Variants in TLN2 observed in about 807,000 individuals in gnomAD.
The protein encoded by TLN2 is talin 2.
Under a neutral mutation model 294.7 loss-of-function variants are expected in TLN2, and 118 were observed. The observed-to-expected ratio is 0.40, with a 90% confidence interval of 0.34 to 0.47. TLN2 has a LOEUF of 0.47. Ranked by LOEUF, TLN2 falls within the 20% of genes least tolerant of loss-of-function variation. TLN2 has a pLI of 0.84. For synonymous variants in TLN2, 1,431 were observed against 1,304.5 expected (o/e 1.10, Z -2.09); for missense variants, 3,083 against 3,282.2 (o/e 0.94, Z 1.48).
chr15:62,617,603 A>G (rs1454016843), intron 2 of TLN2, among the ~76,000 whole-genome samples: 1 of 152,174 alleles, frequency 6.6e-6, no homozygotes, highest in Non-Finnish European at 1.5e-5. Context: ...CAGAGATGCC[A>G]TCTCACAAGG....
rs180930637 is a variant in TLN2, at chr15:62,458,774, G to A, written c.-238+68089G>A. Among the ~76,000 whole-genome samples, 250 of 151,872 alleles carry A rather than the reference G, an allele frequency of 1.6e-3. 1 individual carries two copies. The highest frequency in any genetic ancestry group is 5.8e-3 in the African/African-American group (239 of 41,416). ...ACATAACGAGACTCTGTCTCAAAAA[G>A]AAAAAATAAAAAACTCAAGGATGAT... On this transcript the variant is annotated intron_variant, in intron 1 of 58. Coordinates refer to ENST00000636159, the MANE Select transcript of TLN2 (RefSeq NM_015059.3).
chr15:62,624,884 G>T (rs1207450331), intron 3 of TLN2, among the ~76,000 whole-genome samples: 6 of 152,234 alleles, frequency 3.9e-5, no homozygotes, highest in Non-Finnish European at 8.8e-5. Context: ...AGCTAAGAAC[G>T]ATTAAGCCTG....
At chr15:62,470,063 A>G (rs1352485503) in intron 1 of TLN2, among the ~76,000 whole-genome samples, 1 of 152,202 alleles carries the variant, frequency 6.6e-6, no homozygotes, top group Non-Finnish European at 1.5e-5. Context: ...AGCTCAGGAA[A>G]AGTAAAGGCC....
chr15:62,632,733 C>T (rs1242420703), intron 3 of TLN2, among the ~76,000 whole-genome samples: 1 of 152,142 alleles, frequency 6.6e-6, no homozygotes, highest in Non-Finnish European at 1.5e-5. Context: ...GAATCTGAAC[C>T]TTATCCTCTA....
intron 41 of TLN2, among the ~76,000 whole-genome samples, chr15:62,768,481 T>C (rs2063157985): frequency 6.6e-6 from 1 of 152,198 alleles, no homozygotes; most frequent in African/African-American, 2.4e-5. Context: ...GACATTCTTA[T>C]TTCAAGGTCT....
chr15:62,786,512 A>G lies in TLN2; in HGVS notation c.5736+2622A>G, dbSNP rs377648521. On this transcript the variant is annotated intron_variant, in intron 45 of 58. Transcript: ENST00000636159. ...CAATTTAAGATTATTTTCCCCTTAA[A>G]AAAAGAAGAAGAAAGAACTCGAGAT... 1.2e-4 allele frequency among the ~76,000 whole-genome samples: 18 copies of G among 152,346 alleles called. 1 individual carries two copies. The highest frequency in any genetic ancestry group is 7.7e-4 in the East Asian group (4 of 5,184).
At chr15:62,484,995 C>G (rs2038311801) in intron 1 of TLN2, among the ~76,000 whole-genome samples, 1 of 152,168 alleles carries the variant, frequency 6.6e-6, no homozygotes, top group African/African-American at 2.4e-5. Flanking sequence ...GAATCCATCT[C>G]TTTTGTTTTT....
At chr15:62,535,083 G>C (rs1407509384) in intron 1 of TLN2, among the ~76,000 whole-genome samples, 2 of 152,218 alleles carry the variant, frequency 1.3e-5, no homozygotes, top group African/African-American at 4.8e-5. Flanking sequence ...AGATTTTAGT[G>C]AACTTCCCTG....
At chr15:62,412,295 G>A (rs1391744947) in intron 1 of TLN2, among the ~76,000 whole-genome samples, 1 of 152,180 alleles carries the variant, frequency 6.6e-6, no homozygotes, top group East Asian at 1.9e-4. Flanking sequence ...CCAGTAAGGT[G>A]GTGGTAACAA....
At chr15:62,597,309 A>G (rs2140764432) in intron 2 of TLN2, among the ~76,000 whole-genome samples, 2 of 152,312 alleles carry the variant, frequency 1.3e-5, no homozygotes, top group South Asian at 2.1e-4. Flanking sequence ...AAAACCAGTA[A>G]GTGGTATTTC....
chr15:62,664,359 A>G (rs928334301), intron 9 of TLN2, among the ~76,000 whole-genome samples: 6 of 152,100 alleles, frequency 3.9e-5, no homozygotes, highest in Admixed American at 3.9e-4. Flanking sequence ...TACAAAATCA[A>G]AAGGGACAGA....
At chr15:62,814,149 G>A (rs549498587) in intron 52 of TLN2, among the ~76,000 whole-genome samples, 2 of 152,242 alleles carry the variant, frequency 1.3e-5, no homozygotes, top group South Asian at 4.1e-4. Context: ...AGACATAAAA[G>A]AATAGAGTCA....
intron 22 of TLN2, among the ~76,000 whole-genome samples, chr15:62,715,839 T>C (rs1595765273): frequency 6.6e-6 from 1 of 152,228 alleles, no homozygotes; most frequent in Non-Finnish European, 1.5e-5. Flanking sequence ...ACGGCATTCC[T>C]GAGCCCTCCC....
chr15:62,732,323 C>A (rs960103959), intron 28 of TLN2, among the ~76,000 whole-genome samples: 10 of 152,050 alleles, frequency 6.6e-5, no homozygotes, highest in Admixed American at 6.6e-4. Context: ...CTAGAAGTAG[C>A]CCCATTTAAT....
chr15:62,749,118 A>G (rs1469107261), intron 33 of TLN2, among the ~76,000 whole-genome samples: 1 of 152,232 alleles, frequency 6.6e-6, no homozygotes, highest in Non-Finnish European at 1.5e-5. Context: ...CCAGACGAGT[A>G]TCTCAGTAGA....
chr15:62,783,656 C>T, intron 44 of TLN2, 115 bp from the exon 45 acceptor site: 1 of 1,455,854 alleles, frequency 6.9e-7, no homozygotes, highest in Non-Finnish European at 9.1e-7. Context: ...CCCTCAGGAG[C>T]TTAAAAGTGA....
In TLN2 at chr15:62,843,268, C is replaced by G. The variant is rs1430653965; in HGVS notation, c.*2658C>G. 1.3e-5 allele frequency: 2 copies of G among 152,210 alleles called. No homozygotes were observed. The highest frequency in any genetic ancestry group is 4.8e-5 in the African/African-American group (2 of 41,444). 9.4% of individuals were successfully genotyped at this position (152,210 alleles called of 1,614,324 possible). On this transcript the variant is annotated 3_prime_UTR_variant, in exon 59 of 59. Transcript: ENST00000636159. ...GATTTTTGTGCCAGAAATTGCTGTT[C>G]CCGATGGCCAAAAGGGGAACCTGAA...
At chr15:62,552,080 C>T (rs1198880520) in intron 1 of TLN2, among the ~76,000 whole-genome samples, 1 of 152,150 alleles carries the variant, frequency 6.6e-6, no homozygotes, top group Non-Finnish European at 1.5e-5. Context: ...CTGTCTTGGG[C>T]TTTGCTGGAT....
intron 38 of TLN2, 24 bp from the exon 39 acceptor site, chr15:62,762,248 G>C (rs2062723427): frequency 5.6e-6 from 9 of 1,613,300 alleles, no homozygotes; most frequent in Non-Finnish European, 7.6e-6. Flanking sequence ...CCCTGACTTT[G>C]ATTTCTCTGC....
Sources: allele counts gnomAD v4.1 joint callset (sites outside exome capture counted in the v4.1 genomes callset), GRCh38; gene constraint gnomAD v4.1.1; transcripts MANE v1.5; gene names NCBI Gene and HGNC (gene_info 2026-07-23, HGNC 2026-07-21).